CSMD1: variants seen among roughly 807,000 people sequenced by gnomAD.
The protein encoded by CSMD1 is CUB and Sushi multiple domains 1.
CSMD1 carries 213 observed loss-of-function variants against 417.5 expected under a neutral mutation model. The ratio of observed to expected loss-of-function variants is 0.51; its 90% CI spans 0.46 to 0.57. CSMD1 has a LOEUF of 0.57. CSMD1 is among the 20% of genes least tolerant of loss of function. The pLI is 0.00. For synonymous variants in CSMD1, 2,862 were observed against 1,736.8 expected, an observed-to-expected ratio of 1.65 and a Z score of -16.11; for missense variants, 6,923 against 4,529.7, an observed-to-expected ratio of 1.53 and a Z score of -15.17.
Position 4,994,827 on chromosome 8 carries a change from G to C in CSMD1, c.-411C>G, listed in dbSNP as rs1434604360. ...GTGGGAGATGCGGGGAGGGGGGCGC[G>C]GGGGGGAGGAGAGATCCAGTCTAGA... On this transcript the variant is annotated 5_prime_UTR_variant, in exon 1 of 70. Coordinates refer to ENST00000635120, the MANE Select transcript of CSMD1 (RefSeq NM_033225.6). 2.7e-5 allele frequency: 1 copy of C among 36,788 alleles called. No individual in the cohort carries two copies. Among genetic ancestry groups the C allele is most frequent in the Non-Finnish European group, 6.0e-5 (1 of 16,614 alleles). 2.3% of individuals were successfully genotyped at this position (36,788 alleles called of 1,614,324 possible).
chr8:3,671,184 G>C (rs1474373357), intron 7 of CSMD1, among the ~76,000 whole-genome samples: 1 of 147,108 alleles, frequency 6.8e-6, no homozygotes, highest in South Asian at 2.1e-4. Flanking sequence ...TATGTATATG[G>C]TATATATAGG....
chr8:3,057,061 C>T (rs940302206), intron 49 of CSMD1, among the ~76,000 whole-genome samples: 1 of 151,946 alleles, frequency 6.6e-6, no homozygotes, highest in African/African-American at 2.4e-5. Flanking sequence ...CATGGGTTTG[C>T]TTCAAGAGAA....
intron 5 of CSMD1, among the ~76,000 whole-genome samples, chr8:3,969,955 T>C (rs796916184): frequency 8.5e-5 from 13 of 152,248 alleles, no homozygotes; most frequent in African/African-American, 2.6e-4. Context: ...TCTCCCAGCA[T>C]TTTCTGTCAC....
rs76008349 is a variant in CSMD1 at position 4,701,043 on chromosome 8, T to C, written c.86-63485A>G. ...GGGAGGCAAACTAGTGAACAAAGTA[T>C]GAGTACATAAAACATCTGATAGATG... On this transcript the variant is annotated intron_variant, in intron 1 of 69. Coordinates refer to ENST00000635120, the MANE Select transcript of CSMD1 (RefSeq NM_033225.6). 5.3e-3 allele frequency among the ~76,000 whole-genome samples: 804 copies of C among 152,210 alleles called. 8 individuals carry two copies. Among genetic ancestry groups the C allele is most frequent in the African/African-American group, 0.019 (775 of 41,538 alleles).
intron 3 of CSMD1, among the ~76,000 whole-genome samples, chr8:4,217,796 G>A (rs1800774187): frequency 6.6e-6 from 1 of 152,160 alleles, no homozygotes; most frequent in Non-Finnish European, 1.5e-5. Flanking sequence ...AGAGACCACA[G>A]AGTATGAGGT....
At chr8:4,462,997 G>T (rs1409522109) in intron 2 of CSMD1, among the ~76,000 whole-genome samples, 1 of 152,004 alleles carries the variant, frequency 6.6e-6, no homozygotes, top group African/African-American at 2.4e-5. Flanking sequence ...AAAAACATTA[G>T]AACAGAAAAA....
At chr8:4,652,624 C>A (rs2617034) in intron 1 of CSMD1, among the ~76,000 whole-genome samples, 81,358 of 151,444 alleles carry the variant, frequency 0.54, 22,145 homozygotes, top group Admixed American at 0.65. Context: ...TGCACCACAG[C>A]CTGGAGACAG....
intron 3 of CSMD1, among the ~76,000 whole-genome samples, chr8:4,055,577 T>A (rs528028823): frequency 8.3e-4 from 123 of 147,958 alleles, no homozygotes; most frequent in Non-Finnish European, 1.2e-3. Flanking sequence ...AGAGTCAAAA[T>A]CAGCTAAGAT....
intron 10 of CSMD1, among the ~76,000 whole-genome samples, chr8:3,507,477 G>A (rs941619487): frequency 5.3e-5 from 8 of 152,180 alleles, no homozygotes; most frequent in Non-Finnish European, 7.3e-5. Context: ...GTGTGCATGT[G>A]TCTTTATAGC....
intron 1 of CSMD1, among the ~76,000 whole-genome samples, chr8:4,723,022 T>G (rs1425836420): frequency 6.6e-6 from 1 of 152,186 alleles, no homozygotes; most frequent in Non-Finnish European, 1.5e-5. Flanking sequence ...ACTGAGACAC[T>G]GCTATGTAAT....
chr8:4,857,890 G>C (rs1333740151), intron 1 of CSMD1, among the ~76,000 whole-genome samples: 2 of 151,578 alleles, frequency 1.3e-5, no homozygotes, highest in African/African-American at 2.4e-5. Context: ...TAGAAAAAGA[G>C]GGAATCCTCC....
At chr8:3,914,629 T>C (rs1231462120) in intron 5 of CSMD1, among the ~76,000 whole-genome samples, 1 of 152,108 alleles carries the variant, frequency 6.6e-6, no homozygotes, top group Non-Finnish European at 1.5e-5. Flanking sequence ...TGAAACTCTT[T>C]CTGTCTCTCA....
intron 6 of CSMD1, among the ~76,000 whole-genome samples, chr8:3,737,342 T>C (rs2129049292): frequency 6.6e-6 from 1 of 152,340 alleles, no homozygotes; most frequent in Admixed American, 6.5e-5. Context: ...CTCACATTCC[T>C]AATGTGACCC....
chr8:3,670,295 T>G (rs570239124), intron 7 of CSMD1, among the ~76,000 whole-genome samples: 2 of 152,088 alleles, frequency 1.3e-5, no homozygotes, highest in East Asian at 1.9e-4. Context: ...CCTTCTCCTG[T>G]GCCGGATGCT....
intron 1 of CSMD1, among the ~76,000 whole-genome samples, chr8:4,864,226 G>A (rs1046002815): frequency 5.9e-5 from 9 of 151,894 alleles, no homozygotes; most frequent in Non-Finnish European, 1.2e-4. Flanking sequence ...TGCTAGTAAA[G>A]TGTCCAAAAT....
chr8:4,816,873 A>G (rs1174208521), intron 1 of CSMD1, among the ~76,000 whole-genome samples: 1 of 152,156 alleles, frequency 6.6e-6, no homozygotes, highest in East Asian at 1.9e-4. Flanking sequence ...TGGGGGTCTC[A>G]GAAACAGTCA....
chr8:3,623,354 T>C (rs1380556255), intron 7 of CSMD1, among the ~76,000 whole-genome samples: 1 of 152,182 alleles, frequency 6.6e-6, no homozygotes, highest in Non-Finnish European at 1.5e-5. Flanking sequence ...TCAACATGAA[T>C]TTCTTTGTAG....
intron 5 of CSMD1, among the ~76,000 whole-genome samples, chr8:3,822,122 TTTTC>T (rs146150796): frequency 0.037 from 5,587 of 152,234 alleles, 307 homozygotes; most frequent in African/African-American, 0.11. Flanking sequence ...GGACAATTTT[TTTTC>T]TTTAAGAGCA....
rs118184214 is a variant in CSMD1, at chr8:4,095,498, T to C, written c.416-63399A>G. On this transcript the variant is annotated intron_variant, in intron 3 of 69. Coordinates refer to ENST00000635120, the MANE Select transcript of CSMD1 (RefSeq NM_033225.6). ...GTTGTTTTTCCTATTTTCCGAAATTTGAAGTGGAAAGAATGTCCCCACTAG... is the reference window on the plus strand; with the variant it reads ...GTTGTTTTTCCTATTTTCCGAAATTCGAAGTGGAAAGAATGTCCCCACTAG... Among the ~76,000 whole-genome samples, 44 of 152,352 alleles carry C rather than the reference T, an allele frequency of 2.9e-4. No individual in the cohort carries two copies. The East Asian group carries it at 8.5e-3, about 29-fold the overall frequency.
Sources: allele counts gnomAD v4.1 joint callset (sites outside exome capture counted in the v4.1 genomes callset), GRCh38; gene constraint gnomAD v4.1.1; transcripts MANE v1.5; gene names NCBI Gene and HGNC (gene_info 2026-07-23, HGNC 2026-07-21).